Variants in SNX24 observed in about 807,000 individuals in gnomAD.
SNX24 encodes sorting nexin-24.
A neutral mutation model predicts 28.7 loss-of-function variants in SNX24; 22 were observed. That is an observed-to-expected ratio of 0.77 (90% confidence interval 0.55 to 1.10). The LOEUF is 1.10. SNX24 is among the 50% of genes least tolerant of loss of function. SNX24 has a pLI of 0.00. For missense variants in SNX24, 221 were observed against 201.1 expected, an observed-to-expected ratio of 1.10 and a Z score of -0.60; for synonymous variants, 69 against 71.5, an observed-to-expected ratio of 0.96 and a Z score of 0.18.
chr5:122,961,805 A>G (rs992506761), intron 3 of SNX24, among the ~76,000 whole-genome samples: 3 of 152,222 alleles, frequency 2.0e-5, no homozygotes, highest in African/African-American at 7.2e-5. Context: ...GTGCCTGGTT[A>G]GAAATCCTGT....
intron 1 of SNX24, among the ~76,000 whole-genome samples, chr5:122,889,080 T>G (rs1756838444): frequency 6.6e-6 from 1 of 152,192 alleles, no homozygotes; most frequent in African/African-American, 2.4e-5. Flanking sequence ...CTCGAACTCC[T>G]GATCTCAATT....
intron 5 of SNX24, 36 bp downstream of exon 5, chr5:123,001,473 A>G: frequency 3.4e-6 from 5 of 1,467,052 alleles, no homozygotes; most frequent in Non-Finnish European, 4.7e-6. Flanking sequence ...GAATAGGATT[A>G]TGGTTTTGCT....
chr5:123,012,117 G>T (rs1339593374), downstream of SNX24, among the ~76,000 whole-genome samples: 1 of 152,134 alleles, frequency 6.6e-6, no homozygotes, highest in African/African-American at 2.4e-5. Flanking sequence ...GGATGTGTTT[G>T]CTTCCCCTTC....
intron 6 of SNX24, among the ~76,000 whole-genome samples, chr5:123,006,214 G>A (rs894767139): frequency 6.6e-6 from 1 of 152,062 alleles, no homozygotes; most frequent in Admixed American, 6.5e-5. Context: ...CAAGTCTCAC[G>A]GGTGCCTCAA....
In SNX24 at chr5:122,849,533, TAGAA is replaced by T. The variant is rs529019038; in HGVS notation, c.60+3844_60+3847del. ...AGGTTTTTGCTAGGATTGTGAATTT[TAGAA>T]AGAGGAAATACAGGACAAAATCTTA... On this transcript the variant is annotated intron_variant, in intron 1 of 6. Transcript: ENST00000261369. 2.2e-3 allele frequency among the ~76,000 whole-genome samples: 330 copies of T among 151,574 alleles called. 1 individual carries two copies. Among genetic ancestry groups the T allele is most frequent in the African/African-American group, 7.8e-3 (320 of 41,272 alleles).
At chr5:122,952,011 G>A (rs1274550320) in intron 3 of SNX24, among the ~76,000 whole-genome samples, 1 of 152,156 alleles carries the variant, frequency 6.6e-6, no homozygotes, top group Non-Finnish European at 1.5e-5. Context: ...CTCTACATAA[G>A]AACTTAATAT....
chr5:122,963,795 T>C (rs936380567), intron 3 of SNX24, among the ~76,000 whole-genome samples: 7 of 152,224 alleles, frequency 4.6e-5, no homozygotes, highest in African/African-American at 1.7e-4. Flanking sequence ...GTAGTCTCTT[T>C]CTTCACAGAC....
At chr5:122,893,009 A>G (rs1428877454) in intron 1 of SNX24, among the ~76,000 whole-genome samples, 5 of 145,624 alleles carry the variant, frequency 3.4e-5, no homozygotes, top group Non-Finnish European at 7.6e-5. Context: ...CAAGTAATCC[A>G]CCCACCTCGG....
intron 5 of SNX24, among the ~76,000 whole-genome samples, chr5:123,015,415 G>C (rs957763466): frequency 1.3e-5 from 2 of 152,204 alleles, no homozygotes; most frequent in African/African-American, 4.8e-5. Flanking sequence ...GTCTGACAAA[G>C]AGTGGTTAAT....
At position 122,932,858 on chromosome 5, in the gene SNX24, C is replaced by CAAAAAAAAAAAAAA. The variant is rs57930558; in HGVS notation, c.61-3863_61-3850dup. Among the ~76,000 whole-genome samples the CAAAAAAAAAAAAAA allele has an allele frequency of 3.6e-3, 319 of 87,970 alleles. 3 individuals carry two copies. Among genetic ancestry groups the CAAAAAAAAAAAAAA allele is most frequent in the Middle Eastern group, 0.013 (2 of 158 alleles). 57.7% of individuals were successfully genotyped at this position (87,970 alleles called of 152,430 possible). A position where few individuals can be genotyped will look rare whatever the true frequency, so the allele number is the denominator to read the frequency against. On this transcript the variant is annotated intron_variant, in intron 1 of 6. Transcript: ENST00000261369. ...GGGGCGACAGAGCAAGACTCTGTCT[C>CAAAAAAAAAAAAAA]AAAAAAAAAAAAAAAAAAAAAAAAA...
intron 3 of SNX24, among the ~76,000 whole-genome samples, chr5:122,957,399 C>T (rs920340061): frequency 2.0e-5 from 3 of 152,160 alleles, no homozygotes; most frequent in Admixed American, 6.5e-5. Flanking sequence ...GCCAGTACCA[C>T]CTGTTTTCAT....
chr5:122,959,426 G>A (rs893063627), intron 3 of SNX24, among the ~76,000 whole-genome samples: 1 of 151,030 alleles, frequency 6.6e-6, no homozygotes, highest in Non-Finnish European at 1.5e-5. Context: ...GACAAGACAA[G>A]GTCTTGCTAT....
intron 1 of SNX24, among the ~76,000 whole-genome samples, chr5:122,886,776 G>A (rs1046603425): frequency 6.6e-6 from 1 of 151,748 alleles, no homozygotes; most frequent in Non-Finnish European, 1.5e-5. Flanking sequence ...GTTGCAGTGA[G>A]CCAAGATCAC....
intron 3 of SNX24, among the ~76,000 whole-genome samples, chr5:122,969,831 A>C (rs953872119): frequency 1.3e-5 from 2 of 151,976 alleles, no homozygotes; most frequent in Non-Finnish European, 2.9e-5. Context: ...GCACCGTCGC[A>C]CCCAGGGTGC....
At chr5:122,860,689 C>T (rs574803268) in intron 1 of SNX24, among the ~76,000 whole-genome samples, 13 of 152,226 alleles carry the variant, frequency 8.5e-5, no homozygotes, top group East Asian at 3.9e-4. Flanking sequence ...CTCTGCCTCC[C>T]GGGTTCACGC....
intron 3 of SNX24, among the ~76,000 whole-genome samples, chr5:122,989,046 C>T (rs112150821): frequency 0.011 from 1,737 of 152,078 alleles, 14 homozygotes; most frequent in East Asian, 0.06. Flanking sequence ...TTTTTCTTTT[C>T]TCTTTCTCTC....
At chr5:122,951,058 G>T (rs1194029622) in intron 3 of SNX24, among the ~76,000 whole-genome samples, 1 of 151,896 alleles carries the variant, frequency 6.6e-6, no homozygotes, top group Non-Finnish European at 1.5e-5. Flanking sequence ...ACGAGGTCAG[G>T]AGTTCAAGAC....
chr5:122,932,038 A>G (rs1462451391), intron 1 of SNX24, among the ~76,000 whole-genome samples: 1 of 152,150 alleles, frequency 6.6e-6, no homozygotes, highest in African/African-American at 2.4e-5. Context: ...AATTTCAGAG[A>G]TGTTACCACA....
intron 1 of SNX24, among the ~76,000 whole-genome samples, chr5:122,847,393 G>A (rs1754687690): frequency 6.6e-6 from 1 of 152,028 alleles, no homozygotes; most frequent in Admixed American, 6.6e-5. Flanking sequence ...ACAAATTCGG[G>A]AGAGTTTGAA....
Sources: gnomAD v4.1 joint callset for allele counts (sites outside exome capture counted in the v4.1 genomes callset) on GRCh38, gnomAD v4.1.1 for gene constraint, MANE v1.5 for transcripts, NCBI Gene and HGNC (gene_info 2026-07-23, HGNC 2026-07-21) for gene names.